Variants in STRA8 observed in about 807,000 individuals in gnomAD.
STRA8 encodes the protein stimulated by retinoic acid gene 8 protein homolog.
STRA8 carries 18 observed loss-of-function variants against 37.1 expected under a neutral mutation model. The observed-to-expected ratio is 0.48, with a 90% CI of 0.34 to 0.72. STRA8 has a LOEUF of 0.72. Ranked by LOEUF, STRA8 falls within the 30% of genes least tolerant of loss-of-function variation. STRA8 has a pLI of 0.01. For synonymous variants in STRA8, 168 were observed against 162.9 expected (o/e 1.03, Z -0.24); for missense variants, 357 against 410.4 (o/e 0.87, Z 1.13).
chr7:135,244,066 G>T (rs571528289), intron 4 of STRA8, among the ~76,000 whole-genome samples: 3 of 152,094 alleles, frequency 2.0e-5, no homozygotes, highest in Non-Finnish European at 4.4e-5. Context: ...GTTTGGTTTG[G>T]TTTGTTTTTT....
At chr7:135,251,740 C>A in intron 6 of STRA8, 56 bp from the exon 7 acceptor site, 1 of 1,570,838 alleles carries the variant, frequency 6.4e-7, no homozygotes, top group Non-Finnish European at 8.8e-7. Context: ...CAGCCCAGGG[C>A]AAGCATGAAA....
intron 2 of STRA8, among the ~76,000 whole-genome samples, chr7:135,241,752 G>T (rs1433736595): frequency 2.0e-5 from 3 of 152,136 alleles, no homozygotes; most frequent in East Asian, 3.9e-4. Flanking sequence ...TGTTATAAGG[G>T]GTTGTTTCCA....
chr7:135,232,151 T>C, upstream of STRA8: 4 of 1,038,928 alleles, frequency 3.9e-6, no homozygotes, highest in Non-Finnish European at 6.0e-6. Flanking sequence ...ACATGAAAGG[T>C]TGAGGCAGGT....
chr7:135,246,783 T>G lies in STRA8; in HGVS notation c.879+81T>G. On this transcript the variant is annotated intron_variant, in intron 6 of 8. Coordinates refer to ENST00000662584, the MANE Select transcript of STRA8 (RefSeq NM_001394401.1). This position sits in a 1 kb window ranked among gnomAD's most constrained non-coding sequence, Gnocchi z 5.4. ...GCCTGGGGACACCAGGGCTTTGCATTTAGCAGGTTGGAGGTGCAGTTTGCC... is the reference window on the plus strand; with the variant it reads ...GCCTGGGGACACCAGGGCTTTGCATGTAGCAGGTTGGAGGTGCAGTTTGCC... 3 of 1,404,988 alleles carry G rather than the reference T, an allele frequency of 2.1e-6. No individual in the cohort carries two copies. The highest frequency in any genetic ancestry group is 2.8e-6 in the Non-Finnish European group (3 of 1,071,220). The allele number at this position is 1,404,988 out of a possible 1,614,324, so 87.0% of individuals were successfully genotyped here.
At chr7:135,242,920 T>C (rs1832489667) in intron 3 of STRA8, 64 bp downstream of exon 3, 1 of 1,523,366 alleles carries the variant, frequency 6.6e-7, no homozygotes, top group African/African-American at 1.4e-5. Flanking sequence ...TGTTTTTCTA[T>C]TGAAAACAGA....
rs1008203065 is a variant in STRA8 at position 135,245,438 on chromosome 7, G to A, written c.504G>A (p.Glu168=). Residue 168 remains glutamate (E), a synonymous_variant, in exon 5 of 9, where the codon GAG becomes GAA. Transcript: ENST00000662584. The part of the protein sequence containing the change: ...EEEEEEEEEE[E]EEEEEEEEEE... ...AAGAAGAGGAGGAGGAGGAAGAGGAGGAAGAGGAAGAGGAGGAGGAGGAAG... is the reference window on the plus strand; with the variant it reads ...AAGAAGAGGAGGAGGAGGAAGAGGAAGAAGAGGAAGAGGAGGAGGAGGAAG... The A allele has an allele frequency of 4.0e-6, 3 of 753,642 alleles. No homozygotes were observed. Among genetic ancestry groups the A allele is most frequent in the Non-Finnish European group, 7.4e-6 (3 of 406,888 alleles). 46.7% of individuals were successfully genotyped at this position (753,642 alleles called of 1,614,324 possible). A position where few individuals can be genotyped will look rare whatever the true frequency, so the allele number is the denominator to read the frequency against.
chr7:135,239,133 G>C (rs1832422086), intron 1 of STRA8, among the ~76,000 whole-genome samples: 1 of 152,168 alleles, frequency 6.6e-6, no homozygotes, highest in African/African-American at 2.4e-5. Flanking sequence ...CATCTCATTG[G>C]CCTATTTTCC....
chr7:135,241,386 C>G (rs940092860), intron 2 of STRA8, among the ~76,000 whole-genome samples: 2 of 152,158 alleles, frequency 1.3e-5, no homozygotes, highest in Non-Finnish European at 2.9e-5. Flanking sequence ...CCCCTCAAGT[C>G]TCCTTTTTAG....
At chr7:135,232,100 TTG>T, upstream of STRA8, 1 of 1,495,866 alleles carries the variant, frequency 6.7e-7, no homozygotes, top group Non-Finnish European at 9.3e-7. Flanking sequence ...GCACATCTGC[TTG>T]TGTGTGTGGC....
intron 1 of STRA8, among the ~76,000 whole-genome samples, chr7:135,238,912 T>C (rs1188085113): frequency 6.6e-6 from 1 of 152,194 alleles, no homozygotes; most frequent in Non-Finnish European, 1.5e-5. Flanking sequence ...CCTTGGAAGA[T>C]ACCACAGTGT....
intron 7 of STRA8, among the ~76,000 whole-genome samples, chr7:135,254,712 C>T (rs1038002524): frequency 1.3e-5 from 2 of 152,206 alleles, no homozygotes; most frequent in Non-Finnish European, 2.9e-5. Flanking sequence ...TTGAGTTCCA[C>T]GTTAGACCCA....
chr7:135,237,635 T>G (rs1477274924), intron 1 of STRA8, among the ~76,000 whole-genome samples: 1 of 152,172 alleles, frequency 6.6e-6, no homozygotes, highest in African/African-American at 2.4e-5. Context: ...GGCTCACACC[T>G]GTAAACCTTG....
At chr7:135,245,129 C>T (rs573132111) in intron 4 of STRA8, among the ~76,000 whole-genome samples, 159 bp from the exon 5 acceptor site, 28 of 152,268 alleles carry the variant, frequency 1.8e-4, no homozygotes, top group African/African-American at 6.7e-4. Context: ...AACCAGTTCT[C>T]TTGCATTCCT....
chr7:135,255,073 A>T (rs749423824), intron 7 of STRA8, 41 bp from the exon 8 acceptor site: 3 of 1,494,398 alleles, frequency 2.0e-6, no homozygotes, highest in South Asian at 2.3e-5. Context: ...AAAGATCAGG[A>T]TCCTGAATAT....
At chr7:135,249,985 G>A (rs1585477941) in intron 6 of STRA8, among the ~76,000 whole-genome samples, 4 of 152,260 alleles carry the variant, frequency 2.6e-5, no homozygotes, top group South Asian at 4.1e-4. Context: ...AGGGCTGGGC[G>A]ATAAGGTAGG....
At chr7:135,238,695 G>T (rs1433988851) in intron 1 of STRA8, among the ~76,000 whole-genome samples, 1 of 152,034 alleles carries the variant, frequency 6.6e-6, no homozygotes, top group Non-Finnish European at 1.5e-5. Flanking sequence ...ATTTAAACAA[G>T]TAAAAACAAA....
chr7:135,245,753 T>C (rs958986157), intron 5 of STRA8, among the ~76,000 whole-genome samples: 2 of 152,216 alleles, frequency 1.3e-5, no homozygotes, highest in Non-Finnish European at 2.9e-5. Flanking sequence ...TACATTAGCA[T>C]AGCACATACA....
chr7:135,246,280 A>G lies in STRA8; in HGVS notation c.594-137A>G. On this transcript the variant is annotated intron_variant, in intron 5 of 8. Transcript: ENST00000662584. The surrounding 1 kb of genome is among the most constrained non-coding windows in gnomAD (Gnocchi z 5.4). Reference sequence around the variant, plus strand: ...CTCTCCAAGGGCCAGGGGCGTGCAGAGTCTGAGAAGTCTCAGCCCTGGTGA... The same window carrying G: ...CTCTCCAAGGGCCAGGGGCGTGCAGGGTCTGAGAAGTCTCAGCCCTGGTGA... The G allele has an allele frequency of 2.6e-6, 3 of 1,151,908 alleles. No homozygotes were observed. Among genetic ancestry groups the G allele is most frequent in the Non-Finnish European group, 3.8e-6 (3 of 797,776 alleles). The allele number at this position is 1,151,908 out of a possible 1,614,324, so 71.4% of individuals were successfully genotyped here. A position where few individuals can be genotyped will look rare whatever the true frequency, so the allele number is the denominator to read the frequency against.
At chr7:135,254,295 C>G (rs6943567) in intron 7 of STRA8, among the ~76,000 whole-genome samples, 1 of 151,936 alleles carries the variant, frequency 6.6e-6, no homozygotes. Flanking sequence ...TGTTCCACTT[C>G]CCCTAGAAAA....
Sources: gnomAD v4.1 joint callset for allele counts (sites outside exome capture counted in the v4.1 genomes callset) on GRCh38, gnomAD v4.1.1 for gene constraint, Gnocchi (gnomAD v3.1) non-coding constraint, MANE v1.5 for transcripts, NCBI Gene and HGNC (gene_info 2026-07-23, HGNC 2026-07-21) for gene names.